Variants in ILRUN observed in about 807,000 individuals in gnomAD.
The protein encoded by ILRUN is inflammation and lipid regulator with UBA-like and NBR1-like domains.
In ILRUN, 3 loss-of-function variants were observed where a neutral mutation model predicts 33.8. The ratio of observed to expected loss-of-function variants is 0.09; its 90% CI spans 0.04 to 0.23. The LOEUF is 0.23. Ranked by LOEUF, ILRUN falls within the 10% of genes least tolerant of loss-of-function variation. ILRUN has a pLI of 1.00. For synonymous variants in ILRUN, 124 were observed against 138.9 expected, an observed-to-expected ratio of 0.89 and a Z score of 0.75; for missense variants, 210 against 375.1, an observed-to-expected ratio of 0.56 and a Z score of 3.64.
chr6:34,603,430 C>T (rs1761558414), intron 4 of ILRUN, among the ~76,000 whole-genome samples: 1 of 152,158 alleles, frequency 6.6e-6, no homozygotes, highest in Non-Finnish European at 1.5e-5. Context: ...GTCAGGAGAT[C>T]GAGACCATCC....
chr6:34,616,917 T>C (rs1761902947), intron 3 of ILRUN: 3 of 606,768 alleles, frequency 4.9e-6, no homozygotes, highest in Non-Finnish European at 9.3e-6. Context: ...ATGCTGAGGA[T>C]TGTAGAACCA....
chr6:34,677,229 C>T (rs1763254754), intron 1 of ILRUN, among the ~76,000 whole-genome samples: 1 of 151,932 alleles, frequency 6.6e-6, no homozygotes, highest in African/African-American at 2.4e-5. Flanking sequence ...GTCACTTGAA[C>T]CCAGGAGGCG....
chr6:34,671,730 C>T (rs768655348), intron 1 of ILRUN: 2 of 152,154 alleles, frequency 1.3e-5, no homozygotes, highest in Non-Finnish European at 2.9e-5. Context: ...TCCTAAAATA[C>T]AGGGATGGGG....
Position 34,587,504 on chromosome 6 carries a change from G to C in ILRUN, c.*3061C>G, listed in dbSNP as rs531947770. 1 of 152,754 alleles carries C rather than the reference G, an allele frequency of 6.5e-6. No homozygotes were observed. Among genetic ancestry groups the C allele is most frequent in the Non-Finnish European group, 1.5e-5 (1 of 68,084 alleles). The allele number at this position is 152,754 out of a possible 1,614,324, so 9.5% of individuals were successfully genotyped here. A position where few individuals can be genotyped will look rare whatever the true frequency, so the allele number is the denominator to read the frequency against. The stretch of plus-strand genomic sequence containing the variant: ...GGAAAGGTGCGGCGAGGCAGGGTGG[G>C]GTGAGTAATCAGCTTGCACTTCTGA... On this transcript the variant is annotated 3_prime_UTR_variant, in exon 5 of 5. Coordinates refer to ENST00000374023, the MANE Select transcript of ILRUN (RefSeq NM_024294.4).
In ILRUN at chr6:34,606,596, T is replaced by G. The variant is rs139342047; in HGVS notation, c.820A>C (p.Ser274Arg). 66 of 1,614,158 alleles carry G rather than the reference T, an allele frequency of 4.1e-5. No individual in the cohort carries two copies. The African/African-American group carries it at 8.5e-4, about 21-fold the overall frequency. The change falls in exon 4 of 5, where the codon AGC (serine) becomes CGC (arginine). Residue 274 changes from serine (S) to arginine (R), a missense_variant. This residue lies in a region of ILRUN where 81 missense variants were observed against 97.0 expected (regional missense o/e 0.84). Transcript: ENST00000374023. ...ACTGATAAGTTGTTTGCGTGACTGC[T>G]GGGAGACAGATTTACAGAGTTCTGT... ...LSQNSVNLSP[S>R]SHANNLSVVT...
chr6:34,690,241 A>G (rs959383329), intron 1 of ILRUN, among the ~76,000 whole-genome samples: 2 of 152,116 alleles, frequency 1.3e-5, no homozygotes, highest in East Asian at 1.9e-4. Flanking sequence ...CAGGCAGATC[A>G]CCTGAGGTCA....
chr6:34,692,510 A>C, intron 1 of ILRUN, among the ~76,000 whole-genome samples: 1 of 152,176 alleles, frequency 6.6e-6, no homozygotes. Context: ...TGATGCGTAG[A>C]ACAACACGTC....
rs771996552 is a variant in ILRUN, at chr6:34,606,684, A to G, written c.732T>C (p.Ala244=). 1.9e-6 allele frequency: 3 copies of G among 1,613,652 alleles called. No individual in the cohort carries two copies. The highest frequency in any genetic ancestry group is 2.2e-5 in the East Asian group (1 of 44,878). ...CAGGAGCCCATGTGTCAGGAGCAGG[A>G]GCCCATGTGTTTTTGCTGATCGAGT... The part of the protein sequence containing the change: ...EFDSISKNTW[A]PAPDTWAPAP... Residue 244 remains alanine (A), a synonymous_variant, in exon 4 of 5, where the codon GCT becomes GCC. Transcript: ENST00000374023.
intron 4 of ILRUN, among the ~76,000 whole-genome samples, chr6:34,602,825 T>A (rs564354853): frequency 1.3e-5 from 2 of 152,182 alleles, no homozygotes; most frequent in East Asian, 3.9e-4. Context: ...CTTTGCGTTG[T>A]GGGATGCAGC....
intron 3 of ILRUN, among the ~76,000 whole-genome samples, chr6:34,637,111 T>C (rs1337334603): frequency 2.0e-5 from 3 of 152,192 alleles, no homozygotes; most frequent in Non-Finnish European, 2.9e-5. Context: ...CATATTAAAA[T>C]TACTGTCACT....
chr6:34,604,595 T>TA (rs1411167155), intron 4 of ILRUN, among the ~76,000 whole-genome samples: 1 of 152,186 alleles, frequency 6.6e-6, no homozygotes, highest in Non-Finnish European at 1.5e-5. Flanking sequence ...AAAGCATGCT[T>TA]AGCCCAGGGC....
intron 2 of ILRUN, among the ~76,000 whole-genome samples, chr6:34,653,626 T>A (rs779583140): frequency 3.3e-5 from 5 of 152,192 alleles, no homozygotes; most frequent in Non-Finnish European, 5.9e-5. Flanking sequence ...AGACAGGATC[T>A]CGCTACATTG....
intron 2 of ILRUN, among the ~76,000 whole-genome samples, chr6:34,647,721 C>T (rs538442329): frequency 2.7e-4 from 41 of 152,280 alleles, no homozygotes; most frequent in Non-Finnish European, 5.0e-4. Context: ...CCCATTACCA[C>T]GCCTGGCTAA....
chr6:34,635,382 G>T (rs1228075868), intron 3 of ILRUN, among the ~76,000 whole-genome samples: 4 of 151,984 alleles, frequency 2.6e-5, no homozygotes, highest in Admixed American at 1.3e-4. Flanking sequence ...ATGCACATTA[G>T]CGGGGTGTAA....
At chr6:34,661,998 G>A (rs969357735) in intron 1 of ILRUN, among the ~76,000 whole-genome samples, 16 of 151,782 alleles carry the variant, frequency 1.1e-4, no homozygotes, top group East Asian at 5.8e-4. Context: ...GGTGGCGGGC[G>A]CCTGTAGTCC....
At chr6:34,689,324 G>A (rs879758136) in intron 1 of ILRUN, among the ~76,000 whole-genome samples, 1 of 151,986 alleles carries the variant, frequency 6.6e-6, no homozygotes, top group Non-Finnish European at 1.5e-5. Context: ...TCCAGCCTGG[G>A]CAACATAGTG....
At chr6:34,645,269 G>C (rs1191528717) in intron 3 of ILRUN, among the ~76,000 whole-genome samples, 1 of 152,136 alleles carries the variant, frequency 6.6e-6, no homozygotes, top group Non-Finnish European at 1.5e-5. Context: ...GAACCAATAG[G>C]AATCAGTTTC....
At chr6:34,695,349 A>G (rs1233768201) in intron 1 of ILRUN, among the ~76,000 whole-genome samples, 1 of 152,194 alleles carries the variant, frequency 6.6e-6, no homozygotes, top group African/African-American at 2.4e-5. Context: ...TAGTTGCTTC[A>G]CCTGAAATCC....
At chr6:34,680,514 G>T (rs533882275) in intron 1 of ILRUN, among the ~76,000 whole-genome samples, 35 of 152,096 alleles carry the variant, frequency 2.3e-4, no homozygotes, top group African/African-American at 8.4e-4. Flanking sequence ...GCCCAGACTG[G>T]AGTGCAGTGG....
Sources: gnomAD v4.1 joint callset for allele counts (sites outside exome capture counted in the v4.1 genomes callset) on GRCh38, gnomAD v4.1.1 for gene constraint, gnomAD v4.1.1 regional missense constraint, MANE v1.5 for transcripts, NCBI Gene and HGNC (gene_info 2026-07-23, HGNC 2026-07-21) for gene names.